Variants in CHRM5 observed in about 807,000 individuals in gnomAD.
The protein encoded by CHRM5 is cholinergic receptor muscarinic 5, also known as muscarinic acetylcholine receptor M5.
A neutral mutation model predicts 39.0 loss-of-function variants in CHRM5; 18 were observed. The observed-to-expected ratio is 0.46, with a 90% confidence interval of 0.32 to 0.68. CHRM5 has a LOEUF of 0.68. Among genes scored for constraint, CHRM5 ranks in the 30% least tolerant of loss-of-function variants. CHRM5 has a pLI of 0.04. For synonymous variants in CHRM5, 241 were observed against 246.3 expected (o/e 0.98, Z 0.20); for missense variants, 515 against 651.1 (o/e 0.79, Z 2.28).
chr15:34,054,920 C>T (rs1049926777), intron 2 of CHRM5, among the ~76,000 whole-genome samples: 8 of 151,278 alleles, frequency 5.3e-5, no homozygotes, highest in South Asian at 2.1e-4. Flanking sequence ...AAGCTGGGTG[C>T]GGTGGCTCAC....
At chr15:34,061,323 T>C (rs1900329705) in intron 2 of CHRM5, among the ~76,000 whole-genome samples, 1 of 152,156 alleles carries the variant, frequency 6.6e-6, no homozygotes, top group South Asian at 2.1e-4. Context: ...CAACAGAGGG[T>C]TAATTAAATA....
chr15:34,063,659 GC>G lies in CHRM5; in HGVS notation c.945del (p.Ala316ProfsTer32). The G allele has an allele frequency of 6.2e-7, 1 of 1,614,142 alleles. No individual in the cohort carries two copies. The highest frequency in any genetic ancestry group is 8.5e-7 in the Non-Finnish European group (1 of 1,180,024). On this transcript the variant is annotated frameshift_variant, in exon 3 of 3. Transcript: ENST00000383263. LOFTEE classifies it high-confidence loss of function. The surrounding 1 kb of genome is among the most constrained non-coding windows in gnomAD (Gnocchi z 4.1). Reference protein sequence around the residue: ...SYPSSEDEDKPATDPVLQVVY... With the variant: ...SYPSSEDEDKXATDPVLQVVY... The stretch of plus-strand genomic sequence containing the variant: ...ACCCTTCCTCAGAGGATGAGGACAA[GC>G]CCGCCACTGACCCTGTCCTCCAAGT...
intron 1 of CHRM5, among the ~76,000 whole-genome samples, chr15:33,996,406 T>C (rs1896935604): frequency 6.6e-6 from 1 of 152,232 alleles, no homozygotes; most frequent in African/African-American, 2.4e-5. Flanking sequence ...CCATGTAGCC[T>C]AACTGGGAGA....
rs1895517069 is a variant in CHRM5 at position 33,969,072 on chromosome 15, G to A, written c.-486G>A. ...CAAAATAAAACATGAAAGGAAAGTAGAGAAGGCATTTTGGGTCTCGAAGCT... is the reference window on the plus strand; with the variant it reads ...CAAAATAAAACATGAAAGGAAAGTAAAGAAGGCATTTTGGGTCTCGAAGCT... On this transcript the variant is annotated 5_prime_UTR_variant, in exon 1 of 3. The change abolishes the stop of an existing upstream ORF in the 5' untranslated region. Transcript: ENST00000383263. 1.3e-5 allele frequency: 2 copies of A among 152,080 alleles called. No homozygotes were observed. The highest frequency in any genetic ancestry group is 4.8e-5 in the African/African-American group (2 of 41,442). 9.4% of individuals were successfully genotyped at this position (152,080 alleles called of 1,614,324 possible). A position where few individuals can be genotyped will look rare whatever the true frequency, so the allele number is the denominator to read the frequency against.
intron 1 of CHRM5, chr15:34,003,043 A>G: frequency 6.2e-7 from 1 of 1,613,660 alleles, no homozygotes; most frequent in Non-Finnish European, 8.5e-7. Flanking sequence ...TGCAGAGCTA[A>G]GGAGGACACT....
At chr15:34,002,806 C>T (rs999646410) in intron 1 of CHRM5, among the ~76,000 whole-genome samples, 7 of 152,150 alleles carry the variant, frequency 4.6e-5, no homozygotes, top group South Asian at 2.1e-4. Context: ...TTTTATCTAT[C>T]GCAAAGACTT....
At chr15:34,008,014 A>C (rs1330248157) in intron 1 of CHRM5, among the ~76,000 whole-genome samples, 1 of 152,226 alleles carries the variant, frequency 6.6e-6, no homozygotes, top group African/African-American at 2.4e-5. Flanking sequence ...TTACATCTGC[A>C]AACAACCTAT....
chr15:34,049,828 C>T (rs1313234888), intron 2 of CHRM5, among the ~76,000 whole-genome samples: 1 of 151,280 alleles, frequency 6.6e-6, no homozygotes, highest in Non-Finnish European at 1.5e-5. Context: ...AGACTAACAG[C>T]AGGCCTCTTG....
Position 34,025,008 on chromosome 15 carries a change from T to C in CHRM5, c.-407-21532T>C, listed in dbSNP as rs924563319. Among the ~76,000 whole-genome samples the C allele has an allele frequency of 4.7e-5, 7 of 149,172 alleles. No individual in the cohort carries two copies. In the East Asian group the frequency reaches 6.1e-4, roughly 13 times the overall value. The stretch of plus-strand genomic sequence containing the variant: ...GACCAGTAGAGAACCCCGTCTCTAC[T>C]AAAAATACAAAAATTAGCTGGGCAT... On this transcript the variant is annotated intron_variant, in intron 1 of 2. Transcript: ENST00000383263.
intron 1 of CHRM5, among the ~76,000 whole-genome samples, chr15:34,002,709 T>C (rs1256492403): frequency 1.3e-5 from 2 of 152,194 alleles, no homozygotes; most frequent in African/African-American, 4.8e-5. Flanking sequence ...AAGGAATGTT[T>C]CCTCCAATAT....
At chr15:34,025,345 C>T (rs1898408686) in intron 1 of CHRM5, among the ~76,000 whole-genome samples, 1 of 152,092 alleles carries the variant, frequency 6.6e-6, no homozygotes, top group Admixed American at 6.6e-5. Flanking sequence ...CTTATAAAAT[C>T]GACAAGAAGT....
intron 1 of CHRM5, among the ~76,000 whole-genome samples, chr15:34,023,456 G>A (rs1898301094): frequency 6.6e-6 from 1 of 152,158 alleles, no homozygotes; most frequent in South Asian, 2.1e-4. Flanking sequence ...ATACACACCA[G>A]AGCTCAGGCG....
intron 1 of CHRM5, among the ~76,000 whole-genome samples, chr15:33,985,436 T>C (rs938149040): frequency 6.0e-5 from 5 of 82,968 alleles, no homozygotes; most frequent in African/African-American, 2.6e-4. Flanking sequence ...AGTGTTCCTT[T>C]TTCAGTAAGA....
intron 1 of CHRM5, among the ~76,000 whole-genome samples, chr15:33,996,903 C>T (rs913875392): frequency 1.3e-5 from 2 of 152,186 alleles, no homozygotes; most frequent in South Asian, 2.1e-4. Context: ...TAATAACAAA[C>T]TTCTCCCAGC....
chr15:34,045,821 G>A (rs1006942332), intron 1 of CHRM5, among the ~76,000 whole-genome samples: 9 of 152,126 alleles, frequency 5.9e-5, no homozygotes, highest in Admixed American at 5.9e-4. Flanking sequence ...TACCTTCTTT[G>A]ATTTTTATGT....
At chr15:33,974,060 G>T (rs533478786) in intron 1 of CHRM5, among the ~76,000 whole-genome samples, 107 of 152,270 alleles carry the variant, frequency 7.0e-4, no homozygotes, top group African/African-American at 2.5e-3. Flanking sequence ...ATATTATGAG[G>T]TATGCAAATA....
At chr15:34,007,062 T>C in intron 1 of CHRM5, 1 of 984,606 alleles carries the variant, frequency 1.0e-6, no homozygotes, top group Non-Finnish European at 1.2e-6. Context: ...CATCGGTCAC[T>C]GGTTGCATTG....
intron 1 of CHRM5, among the ~76,000 whole-genome samples, chr15:34,000,297 T>C (rs934711075): frequency 6.6e-6 from 1 of 152,224 alleles, no homozygotes; most frequent in African/African-American, 2.4e-5. Context: ...CAGGTGTCTA[T>C]ATCTGTTCTG....
At chr15:33,970,017 T>C (rs189466757) in intron 1 of CHRM5, among the ~76,000 whole-genome samples, 91 of 152,132 alleles carry the variant, frequency 6.0e-4, no homozygotes, top group East Asian at 1.9e-3. Flanking sequence ...ATGAGTTTCA[T>C]TGGAAAACTT....
Sources: gnomAD v4.1 joint callset for allele counts (sites outside exome capture counted in the v4.1 genomes callset) on GRCh38, gnomAD v4.1.1 for gene constraint, Gnocchi (gnomAD v3.1) non-coding constraint, MANE v1.5 for transcripts, NCBI Gene and HGNC (gene_info 2026-07-23, HGNC 2026-07-21) for gene names.